C12orf56: variants seen among roughly 807,000 people sequenced by gnomAD.
The protein encoded by C12orf56 is uncharacterized protein C12orf56.
Under a neutral mutation model 69.9 loss-of-function variants are expected in C12orf56, and 71 were observed. The observed-to-expected ratio is 1.02, with a 90% CI of 0.84 to 1.24. C12orf56 has a LOEUF of 1.24. C12orf56 is among the 50% of genes most tolerant of loss of function. The pLI, the probability that C12orf56 is intolerant of heterozygous loss-of-function variation, is 0.00. For synonymous variants in C12orf56, 276 were observed against 274.1 expected (o/e 1.01, Z -0.07); for missense variants, 732 against 738.5 (o/e 0.99, Z 0.10).
intron 1 of C12orf56, among the ~76,000 whole-genome samples, chr12:64,358,804 T>G (rs964204476): frequency 1.3e-5 from 2 of 151,828 alleles, no homozygotes; most frequent in African/African-American, 4.8e-5. Flanking sequence ...CAAAAAATAA[T>G]AATAATAATC....
At chr12:64,340,335 C>T (rs2039058964) in intron 2 of C12orf56, among the ~76,000 whole-genome samples, 1 of 152,112 alleles carries the variant, frequency 6.6e-6, no homozygotes, top group Non-Finnish European at 1.5e-5. Context: ...TCTGGCAACA[C>T]CCTCACAGAT....
At chr12:64,357,557 C>T (rs2039335697) in intron 1 of C12orf56, among the ~76,000 whole-genome samples, 1 of 151,914 alleles carries the variant, frequency 6.6e-6, no homozygotes, top group African/African-American at 2.4e-5. Context: ...AGACTACAGG[C>T]ACATGCCACC....
chr12:64,381,805 C>T (rs1473259916), intron 1 of C12orf56, among the ~76,000 whole-genome samples: 2 of 151,964 alleles, frequency 1.3e-5, no homozygotes, highest in African/African-American at 2.4e-5. Context: ...AACCAACTGA[C>T]GAGTTGGATC....
intron 1 of C12orf56, among the ~76,000 whole-genome samples, chr12:64,371,379 CAG>C (rs1315190937): frequency 6.6e-6 from 1 of 152,036 alleles, no homozygotes; most frequent in Non-Finnish European, 1.5e-5. Flanking sequence ...GCCTGGGTGA[CAG>C]AGTGAGACCC....
At chr12:64,349,671 G>A (rs988119322) in intron 2 of C12orf56, among the ~76,000 whole-genome samples, 4 of 152,226 alleles carry the variant, frequency 2.6e-5, no homozygotes, top group African/African-American at 4.8e-5. Flanking sequence ...CCCATAAAAA[G>A]CATTCACAGT....
intron 1 of C12orf56, among the ~76,000 whole-genome samples, chr12:64,358,482 A>AATC (rs1555193400): frequency 0.014 from 1,748 of 125,900 alleles, 35 homozygotes; most frequent in African/African-American, 0.049. Flanking sequence ...TAATAATAAT[A>AATC]ATCATCATCA....
In C12orf56 at chr12:64,305,842, T is replaced by A. The variant is rs2038505038; in HGVS notation, c.969-2063A>T. On this transcript the variant is annotated intron_variant, in intron 5 of 12. Coordinates refer to ENST00000543942, the MANE Select transcript of C12orf56 (RefSeq NM_001170633.2). ...ATTTAAAAAGTAACTATGAAATCCCTCTATTCTCTGAGAACTCCAACAACA... is the reference window on the plus strand; with the variant it reads ...ATTTAAAAAGTAACTATGAAATCCCACTATTCTCTGAGAACTCCAACAACA... Among the ~76,000 whole-genome samples, 5 of 152,312 alleles carry A rather than the reference T, an allele frequency of 3.3e-5. No individual in the cohort carries two copies. The South Asian group carries it at 6.2e-4, about 19-fold the overall frequency.
intron 2 of C12orf56, among the ~76,000 whole-genome samples, chr12:64,350,016 C>A (rs1177755977): frequency 6.6e-6 from 1 of 150,970 alleles, no homozygotes; most frequent in Admixed American, 6.6e-5. Flanking sequence ...TGCTTGAACC[C>A]AGGAGGTGGA....
chr12:64,292,887 G>T (rs1222258355), intron 6 of C12orf56, among the ~76,000 whole-genome samples: 1 of 132,222 alleles, frequency 7.6e-6, no homozygotes, highest in African/African-American at 2.7e-5. Context: ...CACCCAGTTG[G>T]AGCTTCCCGG....
At chr12:64,390,193 G>C in intron 1 of C12orf56, 121 bp downstream of exon 1, 1 of 1,284,806 alleles carries the variant, frequency 7.8e-7, no homozygotes, top group Non-Finnish European at 1.0e-6. Flanking sequence ...TCTCAAATAA[G>C]AGGAGGGGAG....
At chr12:64,374,962 T>A (rs1227817025) in intron 1 of C12orf56, among the ~76,000 whole-genome samples, 2 of 152,226 alleles carry the variant, frequency 1.3e-5, no homozygotes, top group Non-Finnish European at 2.9e-5. Flanking sequence ...GATATTGGAA[T>A]ACGTTCTTAA....
At chr12:64,382,572 C>T (rs1466518235) in intron 1 of C12orf56, among the ~76,000 whole-genome samples, 1 of 151,926 alleles carries the variant, frequency 6.6e-6, no homozygotes, top group Non-Finnish European at 1.5e-5. Flanking sequence ...GTAAAACTGC[C>T]CTTATAAAAT....
At chr12:64,306,377 A>G (rs751232043) in intron 5 of C12orf56, among the ~76,000 whole-genome samples, 5 of 152,090 alleles carry the variant, frequency 3.3e-5, no homozygotes, top group Non-Finnish European at 5.9e-5. Context: ...TTCATCAAGT[A>G]GAAAACATAA....
chr12:64,380,125 AAAAAAAAAAC>A (rs1565783094), intron 1 of C12orf56, among the ~76,000 whole-genome samples: 3 of 55,858 alleles, frequency 5.4e-5, no homozygotes, highest in African/African-American at 1.5e-4. Flanking sequence ...AAAAAAAAAA[AAAAAAAAAAC>A]AAAACAAACA....
intron 2 of C12orf56, among the ~76,000 whole-genome samples, chr12:64,342,966 G>T (rs1234232648): frequency 2.6e-5 from 4 of 152,184 alleles, no homozygotes; most frequent in African/African-American, 7.2e-5. Context: ...CAGCAGCCTG[G>T]ACCTGTTGCA....
intron 2 of C12orf56, among the ~76,000 whole-genome samples, chr12:64,352,122 T>TTTG (rs1565770232): frequency 2.6e-5 from 4 of 151,314 alleles, no homozygotes; most frequent in Non-Finnish European, 5.9e-5. Flanking sequence ...TTTTGTTTTT[T>TTTG]TTTTTACCAG....
intron 5 of C12orf56, among the ~76,000 whole-genome samples, chr12:64,305,809 C>T (rs994649741): frequency 3.9e-5 from 6 of 152,172 alleles, no homozygotes; most frequent in African/African-American, 1.4e-4. Flanking sequence ...TAATTACCAC[C>T]ATATTTCATT....
rs2038479787 is a variant in C12orf56, at chr12:64,303,929, G to A, written c.969-150C>T. The A allele has an allele frequency of 6.3e-6, 6 of 950,670 alleles. No homozygotes were observed. The Admixed American group carries it at 1.4e-4, about 21-fold the overall frequency. 58.9% of individuals were successfully genotyped at this position (950,670 alleles called of 1,614,324 possible). ...CTCCTAGCCTTAATACTCACCAGTA[G>A]TGAAACTTGCTCCCCACAAATTGAA... On this transcript the variant is annotated intron_variant, in intron 5 of 12. Transcript: ENST00000543942.
intron 1 of C12orf56, among the ~76,000 whole-genome samples, chr12:64,361,370 A>T (rs1430106402): frequency 6.6e-6 from 1 of 152,200 alleles, no homozygotes; most frequent in Non-Finnish European, 1.5e-5. Context: ...GCTGGGCCAC[A>T]TTCCCAGGAG....
Sources: allele counts gnomAD v4.1 joint callset (sites outside exome capture counted in the v4.1 genomes callset), GRCh38; gene constraint gnomAD v4.1.1; transcripts MANE v1.5; gene names NCBI Gene and HGNC (gene_info 2026-07-23, HGNC 2026-07-21).